Variants in TBC1D14 observed in about 807,000 individuals in gnomAD.
TBC1D14 encodes the protein TBC1 domain family, member 14.
TBC1D14 carries 26 observed loss-of-function variants against 79.0 expected under a neutral mutation model. That is an observed-to-expected ratio of 0.33 (90% CI 0.24 to 0.46). The LOEUF is 0.46. Ranked by LOEUF, TBC1D14 falls within the 20% of genes least tolerant of loss-of-function variation. The pLI, the probability that TBC1D14 is intolerant of heterozygous loss-of-function variation, is 1.00. For synonymous variants in TBC1D14, 394 were observed against 349.9 expected, an observed-to-expected ratio of 1.13 and a Z score of -1.40; for missense variants, 769 against 887.6, an observed-to-expected ratio of 0.87 and a Z score of 1.70.
At chr4:6,910,966 C>CT (rs1722938694) in intron 1 of TBC1D14, among the ~76,000 whole-genome samples, 1 of 152,150 alleles carries the variant, frequency 6.6e-6, no homozygotes. Context: ...TGCTCACTGT[C>CT]TTGTCCCCAG....
At chr4:6,966,676 TGAATGGTTGA>T (rs1254005750) in intron 2 of TBC1D14, among the ~76,000 whole-genome samples, 1 of 152,252 alleles carries the variant, frequency 6.6e-6, no homozygotes, top group African/African-American at 2.4e-5. Context: ...ATGTGGCTAA[TGAATGGTTGA>T]GCCAGAGTTT....
intron 3 of TBC1D14, among the ~76,000 whole-genome samples, chr4:6,968,615 G>T (rs1715914324): frequency 6.6e-6 from 1 of 152,020 alleles, no homozygotes. Flanking sequence ...GGCCAGGCAG[G>T]TAGTGGGGAC....
chr4:7,001,420 A>C lies in TBC1D14; in HGVS notation c.1270+169A>C. The C allele has an allele frequency of 4.9e-6, 3 of 607,846 alleles. No homozygotes were observed. The South Asian group carries it at 5.9e-5, about 12-fold the overall frequency. The allele number at this position is 607,846 out of a possible 1,614,324, so 37.7% of individuals were successfully genotyped here. Reference sequence around the variant, plus strand: ...AGGGGCAGTTGGGAGGCCTGGGTTTAGTGCTGTGCACTCCGGTTACCTGAC... The same window carrying C: ...AGGGGCAGTTGGGAGGCCTGGGTTTCGTGCTGTGCACTCCGGTTACCTGAC... On this transcript the variant is annotated intron_variant, in intron 7 of 13. Coordinates refer to ENST00000409757, the MANE Select transcript of TBC1D14 (RefSeq NM_020773.3).
At chr4:7,000,082 A>G (rs1719506716) in intron 6 of TBC1D14, among the ~76,000 whole-genome samples, 1 of 152,024 alleles carries the variant, frequency 6.6e-6, no homozygotes, top group African/African-American at 2.4e-5. Flanking sequence ...CACTAGGAAA[A>G]TATGCTCAGA....
chr4:7,003,832 T>C (rs1224644224), intron 7 of TBC1D14, among the ~76,000 whole-genome samples: 1 of 151,410 alleles, frequency 6.6e-6, no homozygotes, highest in Non-Finnish European at 1.5e-5. Context: ...CCAAATCCCA[T>C]CTCTACTAAA....
chr4:6,933,144 G>A (rs1358894386), intron 2 of TBC1D14, among the ~76,000 whole-genome samples: 1 of 151,362 alleles, frequency 6.6e-6, no homozygotes, highest in Non-Finnish European at 1.5e-5. Flanking sequence ...CTTCTTTTGT[G>A]TGGAGTCCAT....
intron 2 of TBC1D14, among the ~76,000 whole-genome samples, chr4:6,938,990 G>C (rs897248067): frequency 1.3e-5 from 2 of 152,192 alleles, no homozygotes; most frequent in Non-Finnish European, 2.9e-5. Flanking sequence ...GCTGGCCTGA[G>C]TGCTGCATGG....
intron 3 of TBC1D14, among the ~76,000 whole-genome samples, chr4:6,978,079 C>T (rs1340052274): frequency 4.0e-5 from 6 of 149,808 alleles, no homozygotes; most frequent in Non-Finnish European, 7.5e-5. Context: ...TGGGGGTCAG[C>T]CCCCCGCCTG....
rs978420418 is a variant in TBC1D14 at position 7,006,603 on chromosome 4, A to C, written c.1352-29A>C. ...TGTCCTACATTCGTGCCCTTGAGGAATGTAATTATTTTTGGCATCTTTTGA... is the reference window on the plus strand; with the variant it reads ...TGTCCTACATTCGTGCCCTTGAGGACTGTAATTATTTTTGGCATCTTTTGA... On this transcript the variant is annotated intron_variant, in intron 8 of 13. Coordinates refer to ENST00000409757, the MANE Select transcript of TBC1D14 (RefSeq NM_020773.3). 5 of 1,589,950 alleles carry C rather than the reference A, an allele frequency of 3.1e-6. No individual in the cohort carries two copies. The South Asian group carries it at 4.4e-5, about 14-fold the overall frequency.
chr4:6,994,378 A>G (rs1304325715), intron 4 of TBC1D14, 76 bp downstream of exon 4: 4 of 1,331,378 alleles, frequency 3.0e-6, no homozygotes, highest in Admixed American at 3.4e-5. Flanking sequence ...TTTTCATTAG[A>G]GAAAAACTAG....
chr4:7,028,208 C>T (rs1054341328), intron 13 of TBC1D14, among the ~76,000 whole-genome samples: 1 of 152,012 alleles, frequency 6.6e-6, no homozygotes, highest in Non-Finnish European at 1.5e-5. Context: ...AGGTCAGTCC[C>T]TGCGCATCCA....
intron 3 of TBC1D14, among the ~76,000 whole-genome samples, chr4:6,977,293 G>A (rs1291155127): frequency 2.0e-5 from 3 of 148,292 alleles, no homozygotes; most frequent in African/African-American, 2.5e-5. Context: ...ACTGGTTTTC[G>A]TATTTTTTTG....
At chr4:7,012,693 A>G (rs960701898) in intron 11 of TBC1D14, among the ~76,000 whole-genome samples, 6 of 152,272 alleles carry the variant, frequency 3.9e-5, no homozygotes, top group African/African-American at 1.2e-4. Flanking sequence ...ATTTAACAAT[A>G]AAAGGAAATA....
At chr4:7,027,334 C>T (rs1722481932) in intron 13 of TBC1D14, among the ~76,000 whole-genome samples, 1 of 140,992 alleles carries the variant, frequency 7.1e-6, no homozygotes, top group Admixed American at 7.1e-5. Flanking sequence ...ACAATCACCC[C>T]ACACACACAA....
chr4:6,936,268 G>A (rs9291124), intron 2 of TBC1D14, among the ~76,000 whole-genome samples: 97,194 of 152,028 alleles, frequency 0.64, 31,734 homozygotes, highest in South Asian at 0.8. Context: ...GTATCACACT[G>A]AGGAGTTTCA....
chr4:6,998,962 G>A lies in TBC1D14; in HGVS notation c.1046-123G>A, dbSNP rs1392050169. The A allele has an allele frequency of 3.7e-6, 3 of 810,416 alleles. No homozygotes were observed. The African/African-American group carries it at 5.1e-5, about 14-fold the overall frequency. 50.2% of individuals were successfully genotyped at this position (810,416 alleles called of 1,614,324 possible). On this transcript the variant is annotated intron_variant, in intron 5 of 13. Transcript: ENST00000409757. The stretch of plus-strand genomic sequence containing the variant: ...CAGGTGTGAAGTGAGCGCTGGAGCT[G>A]ATGCTCGCTCTGCTTCAGGGCGGTT...
intron 3 of TBC1D14, among the ~76,000 whole-genome samples, chr4:6,985,062 G>A (rs1264688276): frequency 1.3e-5 from 2 of 152,152 alleles, no homozygotes; most frequent in Non-Finnish European, 2.9e-5. Flanking sequence ...TAGATGGAGC[G>A]GCTGTTGACA....
intron 3 of TBC1D14, among the ~76,000 whole-genome samples, chr4:6,973,506 G>A (rs1223315342): frequency 6.6e-6 from 1 of 152,146 alleles, no homozygotes; most frequent in Non-Finnish European, 1.5e-5. Flanking sequence ...CATTCCACCC[G>A]GTGTCACCCA....
At chr4:7,012,523 TG>T (rs1163642799) in intron 11 of TBC1D14, among the ~76,000 whole-genome samples, 1 of 152,184 alleles carries the variant, frequency 6.6e-6, no homozygotes, top group African/African-American at 2.4e-5. Context: ...CAATTGTAAA[TG>T]TGAGAATAGC....
Sources: gnomAD v4.1 joint callset for allele counts (sites outside exome capture counted in the v4.1 genomes callset) on GRCh38, gnomAD v4.1.1 for gene constraint, MANE v1.5 for transcripts, NCBI Gene and HGNC (gene_info 2026-07-23, HGNC 2026-07-21) for gene names.